POU3F3: variants seen among roughly 807,000 people sequenced by gnomAD.
The protein encoded by POU3F3 is POU domain, class 3, transcription factor 3.
POU3F3 carries 1 observed loss-of-function variant against 8.6 expected under a neutral mutation model. The ratio of observed to expected loss-of-function variants is 0.12; its 90% CI spans 0.04 to 0.55. POU3F3 has a LOEUF of 0.55. Among genes scored for constraint, POU3F3 ranks in the 20% least tolerant of loss-of-function variants. The pLI is 0.91. For synonymous variants in POU3F3, 418 were observed against 327.4 expected (o/e 1.28, Z -2.99); for missense variants, 577 against 690.7 (o/e 0.84, Z 1.84).
the POU3F3 span, among the ~76,000 whole-genome samples, chr2:104,885,899 G>C: frequency 6.6e-6 from 1 of 152,072 alleles, no homozygotes; most frequent in Non-Finnish European, 1.5e-5. Context: ...CCAGGTTCAA[G>C]TGATTCTCCT....
chr2:104,871,770 G>A, the POU3F3 span, among the ~76,000 whole-genome samples: 313 of 152,270 alleles, frequency 2.1e-3, 1 homozygote, highest in African/African-American at 7.2e-3. Flanking sequence ...GTATATATAT[G>A]TGATATAGAA....
chr2:104,867,778 A>C, the POU3F3 span: 1 of 164,054 alleles, frequency 6.1e-6, no homozygotes, highest in African/African-American at 2.4e-5. The surrounding 1 kb of genome is among the most constrained non-coding windows in gnomAD (Gnocchi z 5.0). Context: ...GCGTTCGAGA[A>C]GCCGGGAGCT....
the POU3F3 span, chr2:104,865,630 A>G: frequency 6.6e-6 from 1 of 152,150 alleles, no homozygotes; most frequent in African/African-American, 2.4e-5. Context: ...AATAGAATAG[A>G]TGTTCATTTC....
the POU3F3 span, among the ~76,000 whole-genome samples, chr2:104,897,581 C>T: frequency 1.3e-5 from 2 of 152,208 alleles, no homozygotes; most frequent in African/African-American, 4.8e-5. Flanking sequence ...ACACCCACTC[C>T]AAGACCCAGG....
the POU3F3 span, among the ~76,000 whole-genome samples, chr2:104,904,378 T>C: frequency 5.9e-5 from 9 of 152,074 alleles, no homozygotes; most frequent in Non-Finnish European, 8.8e-5. Context: ...GTACATAAAG[T>C]AGGAGTGAAA....
the POU3F3 span, among the ~76,000 whole-genome samples, chr2:104,876,499 G>A: frequency 1.1e-4 from 17 of 152,220 alleles, no homozygotes; most frequent in South Asian, 2.9e-3. Context: ...ATTACCCCAC[G>A]CCAGGCTTAC....
the POU3F3 span, among the ~76,000 whole-genome samples, chr2:104,898,253 C>T: frequency 4.6e-5 from 7 of 152,178 alleles, 2 homozygotes; most frequent in South Asian, 1.0e-3. Context: ...CCTCTGATTT[C>T]GGACTTCCAG....
the POU3F3 span, among the ~76,000 whole-genome samples, chr2:104,896,021 G>A: frequency 2.0e-5 from 3 of 152,156 alleles, no homozygotes; most frequent in Admixed American, 2.0e-4. Context: ...GCACACAAGG[G>A]CTCGGTAGCT....
the POU3F3 span, among the ~76,000 whole-genome samples, chr2:104,924,571 C>T: frequency 6.6e-6 from 1 of 152,186 alleles, no homozygotes; most frequent in East Asian, 1.9e-4. Flanking sequence ...CAACTTTGGA[C>T]TCATATTAAC....
the POU3F3 span, among the ~76,000 whole-genome samples, chr2:104,876,552 CT>C: frequency 6.6e-6 from 1 of 152,152 alleles, no homozygotes; most frequent in African/African-American, 2.4e-5. Flanking sequence ...TTCTATGATC[CT>C]TTTTTCCCCT....
At chr2:104,860,578 T>C (rs13410373), downstream of POU3F3, among the ~76,000 whole-genome samples, 29,606 of 151,896 alleles carry the variant, frequency 0.19, 2,953 homozygotes, top group Middle Eastern at 0.32. Flanking sequence ...CAAAGTTCTG[T>C]TCCATCAGCC....
chr2:104,894,429 G>A, the POU3F3 span, among the ~76,000 whole-genome samples: 5 of 152,184 alleles, frequency 3.3e-5, no homozygotes, highest in Admixed American at 3.3e-4. Flanking sequence ...AAAACAAGAT[G>A]GTGAGTTCTG....
chr2:104,920,902 G>A, the POU3F3 span, among the ~76,000 whole-genome samples: 1 of 152,202 alleles, frequency 6.6e-6, no homozygotes, highest in Non-Finnish European at 1.5e-5. Context: ...TACTCTCAGC[G>A]CTATGATCCA....
the POU3F3 span, among the ~76,000 whole-genome samples, chr2:104,897,983 G>C: frequency 3.3e-5 from 5 of 152,288 alleles, no homozygotes; most frequent in Admixed American, 3.3e-4. Context: ...TAAGTTATAA[G>C]AGGGACTGAA....
chr2:104,855,971 G>A lies in POU3F3; in HGVS notation c.461G>A (p.Gly154Glu). 1 of 1,039,722 alleles carries A rather than the reference G, an allele frequency of 9.6e-7. No individual in the cohort carries two copies. Among genetic ancestry groups the A allele is most frequent in the South Asian group, 3.1e-5 (1 of 32,594 alleles). The allele number at this position is 1,039,722 out of a possible 1,614,324, so 64.4% of individuals were successfully genotyped here. A position where few individuals can be genotyped will look rare whatever the true frequency, so the allele number is the denominator to read the frequency against. The change falls in exon 1 of 1, where the codon GGG becomes GAG. Residue 154 changes from glycine (G) to glutamate (E), a missense_variant. Gly to Glu is a moderately conservative substitution (Grantham distance 98). Around this residue, in one of 7 missense-constraint regions of POU3F3, gnomAD observed 484 missense variants for 422.6 expected, o/e 1.15. Transcript: ENST00000361360. ...PQGPDVKGGAGRDDLHAGTAL... is the reference protein window; with the variant it reads ...PQGPDVKGGAERDDLHAGTAL... ...GGCCCCGACGTGAAGGGCGGCGCCG[G>A]GCGCGACGACCTGCACGCGGGCACA...
the POU3F3 span, among the ~76,000 whole-genome samples, chr2:104,915,267 C>T: frequency 6.6e-6 from 1 of 152,130 alleles, no homozygotes; most frequent in East Asian, 1.9e-4. Context: ...CACGGTAAGT[C>T]CTGAAGTTCA....
At chr2:104,904,752 T>TATC in the POU3F3 span, among the ~76,000 whole-genome samples, 3 of 152,122 alleles carry the variant, frequency 2.0e-5, no homozygotes, top group Admixed American at 2.0e-4. Flanking sequence ...GGACGATGTA[T>TATC]ATCAGTTCCT....
the POU3F3 span, among the ~76,000 whole-genome samples, chr2:104,889,131 G>A: frequency 3.3e-5 from 5 of 152,174 alleles, no homozygotes; most frequent in South Asian, 2.1e-4. Context: ...AATGTTTTCC[G>A]TGATGCGATT....
At chr2:104,889,142 T>G in the POU3F3 span, among the ~76,000 whole-genome samples, 1 of 152,232 alleles carries the variant, frequency 6.6e-6, no homozygotes, top group African/African-American at 2.4e-5. Context: ...TGATGCGATT[T>G]AATCTTCAAA....
Sources: gnomAD v4.1 joint callset for allele counts (sites outside exome capture counted in the v4.1 genomes callset) on GRCh38, gnomAD v4.1.1 for gene constraint, gnomAD v4.1.1 regional missense constraint, Gnocchi (gnomAD v3.1) non-coding constraint, MANE v1.5 for transcripts, NCBI Gene and HGNC (gene_info 2026-07-23, HGNC 2026-07-21) for gene names.